ENTHD1: variants seen among roughly 807,000 people sequenced by gnomAD.
The protein encoded by ENTHD1 is ENTH domain containing 1, also known as ENTH domain-containing protein 1.
Under a neutral mutation model 39.1 loss-of-function variants are expected in ENTHD1, and 23 were observed. That is an observed-to-expected ratio of 0.59 (90% confidence interval 0.42 to 0.83). The LOEUF (loss-of-function observed/expected upper bound fraction) is 0.83. ENTHD1 is among the 40% of genes least tolerant of loss of function. ENTHD1 has a pLI of 0.00. For synonymous variants in ENTHD1, 230 were observed against 258.2 expected (o/e 0.89, Z 1.05); for missense variants, 624 against 705.4 (o/e 0.88, Z 1.31).
At chr22:39,854,250 A>G (rs1256807864) in intron 3 of ENTHD1, among the ~76,000 whole-genome samples, 1 of 152,238 alleles carries the variant, frequency 6.6e-6, no homozygotes, top group African/African-American at 2.4e-5. Flanking sequence ...CATCAGTTAT[A>G]ACAACATTGA....
At chr22:39,840,522 T>C (rs1352376860) in intron 3 of ENTHD1, among the ~76,000 whole-genome samples, 3 of 152,236 alleles carry the variant, frequency 2.0e-5, no homozygotes, top group Admixed American at 6.5e-5. Flanking sequence ...TTATTTAGCA[T>C]ATAATAACCA....
At chr22:39,807,475 C>T (rs1337290668) in intron 5 of ENTHD1, among the ~76,000 whole-genome samples, 1 of 152,128 alleles carries the variant, frequency 6.6e-6, no homozygotes, top group Non-Finnish European at 1.5e-5. Context: ...AATATGGTCA[C>T]CTTTACATAT....
At position 39,851,523 on chromosome 22, in the gene ENTHD1, T is replaced by C. The variant is rs369548703; in HGVS notation, c.592+10242A>G. On this transcript the variant is annotated intron_variant, in intron 3 of 6. Transcript: ENST00000325157. Reference sequence around the variant, plus strand: ...CTTACCTCCTCCTGTTTTGGTGATATTGGATTTTGAGCTCATTGCTTGTCT... The same window carrying C: ...CTTACCTCCTCCTGTTTTGGTGATACTGGATTTTGAGCTCATTGCTTGTCT... Among the ~76,000 whole-genome samples the C allele has an allele frequency of 1.8e-4, 27 of 152,348 alleles. 1 individual carries two copies. In the East Asian group the frequency reaches 3.7e-3, roughly 21 times the overall value.
intron 5 of ENTHD1, among the ~76,000 whole-genome samples, chr22:39,795,599 T>G (rs1045464886): frequency 6.6e-6 from 1 of 151,630 alleles, no homozygotes; most frequent in African/African-American, 2.4e-5. Context: ...GGCTAATTTT[T>G]TTTTTTTTTT....
intron 3 of ENTHD1, among the ~76,000 whole-genome samples, chr22:39,849,142 C>A (rs575509245): frequency 6.6e-6 from 1 of 152,206 alleles, no homozygotes; most frequent in African/African-American, 2.4e-5. Flanking sequence ...AACCCTCCAC[C>A]TTACTCTATT....
chr22:39,821,396 A>G (rs1018412230), intron 4 of ENTHD1, among the ~76,000 whole-genome samples: 8 of 152,196 alleles, frequency 5.3e-5, no homozygotes, highest in African/African-American at 1.9e-4. Context: ...CTTACAGCAT[A>G]CTATCTCAGA....
chr22:39,870,771 G>T (rs1373443703), intron 2 of ENTHD1, among the ~76,000 whole-genome samples: 1 of 152,148 alleles, frequency 6.6e-6, no homozygotes, highest in African/African-American at 2.4e-5. Flanking sequence ...TCCAAACCTA[G>T]TAAGGGAGGC....
At chr22:39,746,414 T>A (rs1426663865) in intron 6 of ENTHD1, among the ~76,000 whole-genome samples, 2 of 152,164 alleles carry the variant, frequency 1.3e-5, no homozygotes, top group East Asian at 3.8e-4. Context: ...TTTGAAAAAC[T>A]TTTCCTTTCC....
At chr22:39,806,451 A>G (rs2065641541) in intron 5 of ENTHD1, among the ~76,000 whole-genome samples, 1 of 152,178 alleles carries the variant, frequency 6.6e-6, no homozygotes, top group South Asian at 2.1e-4. Flanking sequence ...AGCCATGATG[A>G]ATCTTCTTTG....
chr22:39,871,547 T>C (rs1016090714), intron 2 of ENTHD1, among the ~76,000 whole-genome samples: 7 of 152,240 alleles, frequency 4.6e-5, no homozygotes, highest in African/African-American at 1.7e-4. Flanking sequence ...TGATTTCATT[T>C]GATGAGAACC....
At chr22:39,824,527 G>T (rs1003848590) in intron 4 of ENTHD1, among the ~76,000 whole-genome samples, 4 of 151,998 alleles carry the variant, frequency 2.6e-5, no homozygotes, top group Non-Finnish European at 5.9e-5. Flanking sequence ...AAATCTCAAA[G>T]ATTTTTCTCC....
At chr22:39,878,289 T>G (rs1293842064) in intron 2 of ENTHD1, among the ~76,000 whole-genome samples, 4 of 151,746 alleles carry the variant, frequency 2.6e-5, no homozygotes, top group Admixed American at 2.6e-4. Flanking sequence ...ACAACAACAA[T>G]AACAAGAACA....
chr22:39,814,298 A>AAAAAAAAAAAAAAAAT (rs2065716408), intron 5 of ENTHD1, among the ~76,000 whole-genome samples: 2 of 150,916 alleles, frequency 1.3e-5, no homozygotes, highest in South Asian at 4.2e-4. Context: ...ATCTCTACAA[A>AAAAAAAAAAAAAAAAT]AAAAAAAAAA....
chr22:39,762,879 G>A lies in ENTHD1; in HGVS notation c.1219+2344C>T, dbSNP rs138069728. Among the ~76,000 whole-genome samples the A allele has an allele frequency of 2.6e-5, 4 of 152,148 alleles. No individual in the cohort carries two copies. In the East Asian group the frequency reaches 7.7e-4, roughly 29 times the overall value. On this transcript the variant is annotated intron_variant, in intron 6 of 6. Transcript: ENST00000325157. The stretch of plus-strand genomic sequence containing the variant: ...TTATACATTCAGAATCTAGATTACT[G>A]TGGATCTGTTTCTGTTGTCTACTTT...
At chr22:39,770,602 T>C (rs1486025357) in intron 5 of ENTHD1, among the ~76,000 whole-genome samples, 7 of 152,160 alleles carry the variant, frequency 4.6e-5, no homozygotes, top group Admixed American at 4.6e-4. Context: ...ATACCATGGG[T>C]ATGTGTATGA....
In ENTHD1 at chr22:39,839,540, A is replaced by G. The variant is rs866561531; in HGVS notation, c.593-3582T>C. ...GGTAGATGCCAGAGATACTGAAGAAATAAGAATCTTTCATTTATGGTTGTA... is the reference window on the plus strand; with the variant it reads ...GGTAGATGCCAGAGATACTGAAGAAGTAAGAATCTTTCATTTATGGTTGTA... On this transcript the variant is annotated intron_variant, in intron 3 of 6. Transcript: ENST00000325157. Among the ~76,000 whole-genome samples, 3 of 152,332 alleles carry G rather than the reference A, an allele frequency of 2.0e-5. No homozygotes were observed. In the South Asian group the frequency reaches 6.2e-4, roughly 32 times the overall value.
At position 39,887,721 on chromosome 22, in the gene ENTHD1, A is replaced by G; in HGVS notation, c.28T>C (p.Phe10Leu). 11 of 1,583,128 alleles carry G rather than the reference A, an allele frequency of 6.9e-6. No homozygotes were observed. The highest frequency in any genetic ancestry group is 9.4e-6 in the Non-Finnish European group (11 of 1,166,824). ...TCAGCATCTGAGTAATTTTTCACAA[A>G]GTTTTTCACTTGTCTCCTGAACGCC... is the stretch of plus-strand genomic sequence containing the variant. The part of the protein sequence containing the change: MAFRRQVKN[F>L]VKNYSDAEIK... The change falls in exon 2 of 7, where the codon TTT becomes CTT. Residue 10 changes from phenylalanine (F) to leucine (L), a missense_variant. Physicochemically the swap from Phe to Leu is conservative, Grantham distance 22 (BLOSUM62 0). Coordinates refer to ENST00000325157, the MANE Select transcript of ENTHD1 (RefSeq NM_152512.4).
intron 3 of ENTHD1, among the ~76,000 whole-genome samples, chr22:39,852,336 G>C (rs956311307): frequency 6.6e-6 from 1 of 152,148 alleles, no homozygotes; most frequent in African/African-American, 2.4e-5. Flanking sequence ...AACAGAGTGA[G>C]AGCCTGTCTC....
chr22:39,818,576 A>G (rs1370732893), intron 5 of ENTHD1, among the ~76,000 whole-genome samples: 1 of 152,236 alleles, frequency 6.6e-6, no homozygotes, highest in African/African-American at 2.4e-5. Flanking sequence ...GACTATGAAA[A>G]GTACTTGTCT....
Sources: allele counts gnomAD v4.1 joint callset (sites outside exome capture counted in the v4.1 genomes callset), GRCh38; gene constraint gnomAD v4.1.1; transcripts MANE v1.5; gene names NCBI Gene and HGNC (gene_info 2026-07-23, HGNC 2026-07-21).